The following STARD10 variants were observed in gnomAD, a reference collection of about 807,000 sequenced individuals.
STARD10 encodes START domain-containing protein 10.
A neutral mutation model predicts 36.0 loss-of-function variants in STARD10; 24 were observed. The observed-to-expected ratio is 0.67, with a 90% CI of 0.48 to 0.94. STARD10 has a LOEUF of 0.94. Among genes scored for constraint, STARD10 ranks in the 40% least tolerant of loss-of-function variants. The pLI, the probability that STARD10 is intolerant of heterozygous loss-of-function variation, is 0.00. For missense variants in STARD10, 335 were observed against 396.6 expected, an observed-to-expected ratio of 0.84 and a Z score of 1.32; for synonymous variants, 156 against 161.9, an observed-to-expected ratio of 0.96 and a Z score of 0.28.
chr11:72,765,126 G>C (rs1203709905), intron 2 of STARD10, among the ~76,000 whole-genome samples: 1 of 152,062 alleles, frequency 6.6e-6, no homozygotes, highest in Non-Finnish European at 1.5e-5. Flanking sequence ...AATTAGCCGG[G>C]GTGGTGGCAC....
At chr11:72,771,221 G>C (rs1369258586) in intron 2 of STARD10, among the ~76,000 whole-genome samples, 1 of 152,166 alleles carries the variant, frequency 6.6e-6, no homozygotes, top group Non-Finnish European at 1.5e-5. Context: ...AAGGAATCAG[G>C]TGGGCCAGCA....
chr11:72,771,751 G>A (rs1366588792), intron 2 of STARD10, among the ~76,000 whole-genome samples: 1 of 152,150 alleles, frequency 6.6e-6, no homozygotes, highest in Non-Finnish European at 1.5e-5. Flanking sequence ...CAGCAGTGAT[G>A]AACGTTGCAG....
In STARD10 at chr11:72,780,981, C is replaced by A; in HGVS notation, c.201G>T (p.Lys67Asn). The change falls in exon 2 of 7, where the codon AAG becomes AAT. Residue 67 changes from lysine to asparagine, a missense_variant. By Grantham distance (94) the Lys-to-Asn change is moderately conservative. Coordinates refer to ENST00000334805, the MANE Select transcript of STARD10 (RefSeq NM_006645.3). ...QAVEMDRTLH[K>N]IKCRMECCDV... ...GTATAGCGGGCAACCCTACCTTGAT[C>A]TTGTGCAGCGTCCGATCCATCTCCA... 1.2e-6 allele frequency: 2 copies of A among 1,614,172 alleles called. No homozygotes were observed. Among genetic ancestry groups the A allele is most frequent in the Non-Finnish European group, 1.7e-6 (2 of 1,180,018 alleles).
At chr11:72,785,476 G>A (rs961441716) in intron 1 of STARD10, among the ~76,000 whole-genome samples, 12 of 148,954 alleles carry the variant, frequency 8.1e-5, no homozygotes, top group Non-Finnish European at 1.0e-4. Flanking sequence ...CAGGAAAATC[G>A]CTTGAACCTG....
intron 5 of STARD10, 83 bp from the exon 6 acceptor site, chr11:72,755,836 C>T: frequency 1.5e-6 from 2 of 1,348,324 alleles, no homozygotes; most frequent in Non-Finnish European, 2.0e-6. Flanking sequence ...CTGCCCAGAG[C>T]TTCCAGGGAG....
chr11:72,781,245 C>A lies in STARD10; in HGVS notation c.-64G>T. 6.9e-7 allele frequency: 1 copy of A among 1,447,488 alleles called. No homozygotes were observed. The highest frequency in any genetic ancestry group is 1.2e-5 in the South Asian group (1 of 85,088). 89.7% of individuals were successfully genotyped at this position (1,447,488 alleles called of 1,614,324 possible). The stretch of plus-strand genomic sequence containing the variant: ...GGCTCTCCTGGGTCCTCCGCGGAGG[C>A]TCCGACAACGTCGACGCGGCTGCAG... On this transcript the variant is annotated 5_prime_UTR_variant, in exon 2 of 7. Transcript: ENST00000334805. The surrounding 1 kb of genome is among the most constrained non-coding windows in gnomAD (Gnocchi z 4.7).
intron 2 of STARD10, among the ~76,000 whole-genome samples, chr11:72,777,831 T>C (rs1200939648): frequency 3.3e-5 from 5 of 152,138 alleles, no homozygotes; most frequent in South Asian, 4.1e-4. Flanking sequence ...ATCAGGTAGA[T>C]AGCTAGGTGG....
At position 72,793,170 on chromosome 11, in the gene STARD10, G is replaced by A. The variant is rs1459894560; in HGVS notation, c.-409C>T. ...TTAGCTCTTGCTCACAGCCTGCTGAGACCTGGGGCAAGCCCCTGTCCCTCT... is the reference window on the plus strand; with the variant it reads ...TTAGCTCTTGCTCACAGCCTGCTGAAACCTGGGGCAAGCCCCTGTCCCTCT... On this transcript the variant is annotated 5_prime_UTR_variant, in exon 1 of 7. Transcript: ENST00000334805. 1 of 152,262 alleles carries A rather than the reference G, an allele frequency of 6.6e-6. No individual in the cohort carries two copies. Among genetic ancestry groups the A allele is most frequent in the Non-Finnish European group, 1.5e-5 (1 of 68,052 alleles). 9.4% of individuals were successfully genotyped at this position (152,262 alleles called of 1,614,324 possible).
rs371400534 is a variant in STARD10, at chr11:72,756,380, TTCACTCAC to T, written c.578-635_578-628del. 1.9e-4 allele frequency among the ~76,000 whole-genome samples: 29 copies of T among 152,072 alleles called. 1 individual carries two copies. The South Asian group carries it at 5.4e-3, about 28-fold the overall frequency. On this transcript the variant is annotated intron_variant, in intron 5 of 6. Coordinates refer to ENST00000334805, the MANE Select transcript of STARD10 (RefSeq NM_006645.3). ...TCAAGGCTTCCCCATCCTCTAGTCA[TTCACTCAC>T]TCACTCACTCACTCACTCCATGTTC...
intron 1 of STARD10, among the ~76,000 whole-genome samples, chr11:72,787,679 G>T (rs1183866996): frequency 6.6e-6 from 1 of 152,226 alleles, no homozygotes; most frequent in Non-Finnish European, 1.5e-5. Flanking sequence ...CCTGTCAGAG[G>T]CGCCTGATCC....
chr11:72,784,185 A>C (rs944783777), intron 1 of STARD10, among the ~76,000 whole-genome samples: 1 of 151,818 alleles, frequency 6.6e-6, no homozygotes, highest in African/African-American at 2.4e-5. Context: ...TTCTCAAAAC[A>C]CCCCTAAGCA....
intron 1 of STARD10, among the ~76,000 whole-genome samples, chr11:72,789,060 T>G (rs1469171458): frequency 9.9e-5 from 11 of 110,648 alleles, no homozygotes; most frequent in Admixed American, 9.6e-4. Flanking sequence ...CTCCCCAGGC[T>G]GGTCTCGAAC....
At chr11:72,780,854 G>A (rs1243650692) in intron 2 of STARD10, 121 bp downstream of exon 2, 1 of 1,069,484 alleles carries the variant, frequency 9.4e-7, no homozygotes, top group South Asian at 1.4e-5. Flanking sequence ...GTCCCTGGAA[G>A]GAGACTCTCT....
At chr11:72,785,285 C>G (rs1421449687) in intron 1 of STARD10, among the ~76,000 whole-genome samples, 1 of 151,932 alleles carries the variant, frequency 6.6e-6, no homozygotes, top group Non-Finnish European at 1.5e-5. Flanking sequence ...AACCTAGGGG[C>G]CGGGTGTGGT....
rs201146132 is a variant in STARD10, at chr11:72,780,248, AGAG to A, written c.207+724_207+726del. 7.4e-3 allele frequency: 2,988 copies of A among 401,868 alleles called. 21 individuals are homozygous for A. Among genetic ancestry groups the A allele is most frequent in the Non-Finnish European group, 0.011 (2,110 of 193,724 alleles). 24.9% of individuals were successfully genotyped at this position (401,868 alleles called of 1,614,324 possible). On this transcript the variant is annotated intron_variant, in intron 2 of 6. Coordinates refer to ENST00000334805, the MANE Select transcript of STARD10 (RefSeq NM_006645.3). ...CCCAAGCCTGCCCTGCACGGCAAAG[AGAG>A]GAGAATTGTGGGGTTGGGAAGAGCA...
chr11:72,755,856 T>C, intron 5 of STARD10, 103 bp from the exon 6 acceptor site: 1 of 1,089,374 alleles, frequency 9.2e-7, no homozygotes, highest in Non-Finnish European at 1.3e-6. Context: ...GGCCACTGTC[T>C]TCCCCATGAG....
At chr11:72,792,248 G>A (rs1864653) in intron 1 of STARD10, among the ~76,000 whole-genome samples, 77,450 of 150,862 alleles carry the variant, frequency 0.51, 20,043 homozygotes, top group East Asian at 0.62. Context: ...TAGAGATGGA[G>A]TTTCTCCACT....
At chr11:72,775,106 G>A (rs1427905607) in intron 2 of STARD10, among the ~76,000 whole-genome samples, 1 of 152,154 alleles carries the variant, frequency 6.6e-6, no homozygotes, top group East Asian at 1.9e-4. Flanking sequence ...TTAGGATGCA[G>A]GCCCCATCCA....
Position 72,788,345 on chromosome 11 carries a change from C to T in STARD10, c.-114+4530G>A, listed in dbSNP as rs529866817. ...CCTCCCTAGAGAGGGTGTGCAGAGC[C>T]GTGTGTGAGTGACAACCTACAGACC... On this transcript the variant is annotated intron_variant, in intron 1 of 6. Coordinates refer to ENST00000334805, the MANE Select transcript of STARD10 (RefSeq NM_006645.3). Among the ~76,000 whole-genome samples the T allele has an allele frequency of 1.3e-3, 201 of 152,212 alleles. 2 individuals carry two copies. Among genetic ancestry groups the T allele is most frequent in the Middle Eastern group, 6.8e-3 (2 of 294 alleles).
Sources: gnomAD v4.1 joint callset for allele counts (sites outside exome capture counted in the v4.1 genomes callset) on GRCh38, gnomAD v4.1.1 for gene constraint, Gnocchi (gnomAD v3.1) non-coding constraint, MANE v1.5 for transcripts, NCBI Gene and HGNC (gene_info 2026-07-23, HGNC 2026-07-21) for gene names.